RFX3: variants seen among roughly 807,000 people sequenced by gnomAD.
RFX3 encodes regulatory factor X3, also known as transcription factor RFX3.
A neutral mutation model predicts 98.6 loss-of-function variants in RFX3; 14 were observed. The observed-to-expected ratio is 0.14, with a 90% CI of 0.09 to 0.22. The LOEUF is 0.22. Ranked by LOEUF, RFX3 falls within the 10% of genes least tolerant of loss-of-function variation. RFX3 has a pLI of 1.00. For synonymous variants in RFX3, 383 were observed against 328.4 expected (o/e 1.17, Z -1.80); for missense variants, 639 against 926.9 (o/e 0.69, Z 4.03).
chr9:3,246,819 AG>A (rs1346989724), intron 15 of RFX3, among the ~76,000 whole-genome samples: 2 of 152,202 alleles, frequency 1.3e-5, no homozygotes, highest in African/African-American at 4.8e-5. Flanking sequence ...GCATCATTTA[AG>A]CTTTATCATC....
intron 1 of RFX3, among the ~76,000 whole-genome samples, chr9:3,447,320 T>A (rs1231447559): frequency 2.6e-5 from 4 of 152,108 alleles, no homozygotes; most frequent in Non-Finnish European, 5.9e-5. Flanking sequence ...TTAAACTCCA[T>A]TAAGTATAAT....
chr9:3,520,375 GCTGTAA>G (rs1327385195), intron 1 of RFX3, among the ~76,000 whole-genome samples: 1 of 152,132 alleles, frequency 6.6e-6, no homozygotes, highest in African/African-American at 2.4e-5. Context: ...AAGTTTATAT[GCTGTAA>G]CTGTATCTTT....
chr9:3,275,103 T>G (rs1398346401), intron 9 of RFX3, among the ~76,000 whole-genome samples: 1 of 151,842 alleles, frequency 6.6e-6, no homozygotes, highest in African/African-American at 2.4e-5. Flanking sequence ...AATACCATAT[T>G]TTATTTATGC....
At chr9:3,280,035 T>C (rs919281641) in intron 7 of RFX3, among the ~76,000 whole-genome samples, 1 of 151,598 alleles carries the variant, frequency 6.6e-6, no homozygotes. Flanking sequence ...ACACAGAAAA[T>C]ATATCAGAAC....
intron 3 of RFX3, among the ~76,000 whole-genome samples, chr9:3,342,670 T>TA (rs905558232): frequency 5.9e-5 from 9 of 151,816 alleles, no homozygotes; most frequent in Non-Finnish European, 8.8e-5. Flanking sequence ...CATTTTATTT[T>TA]AAAAAAAAAC....
chr9:3,415,101 T>TATATATATATTCTTATATATATACTC (rs1842865036), intron 1 of RFX3, among the ~76,000 whole-genome samples: 8 of 87,500 alleles, frequency 9.1e-5, no homozygotes, highest in African/African-American at 9.0e-4. Flanking sequence ...TATACTCATA[T>TATATATATATTCTTATATATATACTC]ATAAGTATAT....
intron 1 of RFX3, among the ~76,000 whole-genome samples, chr9:3,418,234 T>C (rs372105657): frequency 6.0e-4 from 91 of 152,320 alleles, no homozygotes; most frequent in African/African-American, 2.1e-3. Context: ...ATGGTATAAA[T>C]AGTTCTTACC....
At chr9:3,270,597 G>C in intron 10 of RFX3, 72 bp from the exon 11 acceptor site, 3 of 1,446,126 alleles carry the variant, frequency 2.1e-6, no homozygotes, top group South Asian at 2.5e-5. Context: ...TTTAAAAATA[G>C]TTTAAGTTTA....
intron 14 of RFX3, among the ~76,000 whole-genome samples, chr9:3,249,452 T>C (rs538971455): frequency 2.0e-5 from 3 of 152,278 alleles, no homozygotes; most frequent in African/African-American, 7.2e-5. Flanking sequence ...CTTATCTAAC[T>C]TACATGCTTA....
In RFX3 at chr9:3,341,146, T is replaced by A. The variant is rs190553313; in HGVS notation, c.215+5521A>T. 3.4e-4 allele frequency among the ~76,000 whole-genome samples: 51 copies of A among 151,866 alleles called. No homozygotes were observed. In the East Asian group the frequency reaches 9.1e-3, roughly 27 times the overall value. On this transcript the variant is annotated intron_variant, in intron 3 of 16. Coordinates refer to ENST00000617270, the MANE Select transcript of RFX3 (RefSeq NM_001282116.2). ...GGAAATCATCATTCTCAGCAAACTA[T>A]CGCAGGGACAAAAAACCAAACACTG...
chr9:3,443,831 A>C (rs1223179940), intron 1 of RFX3, among the ~76,000 whole-genome samples: 1 of 152,166 alleles, frequency 6.6e-6, no homozygotes, highest in Non-Finnish European at 1.5e-5. Flanking sequence ...AACGATGTAA[A>C]AGTATTCCTT....
chr9:3,314,819 G>A (rs929311157), intron 4 of RFX3, among the ~76,000 whole-genome samples: 2 of 152,068 alleles, frequency 1.3e-5, no homozygotes, highest in Non-Finnish European at 2.9e-5. Context: ...AACAAGAAGG[G>A]CTAACTATCC....
intron 2 of RFX3, among the ~76,000 whole-genome samples, chr9:3,377,269 A>G (rs1838649031): frequency 6.6e-6 from 1 of 152,234 alleles, no homozygotes; most frequent in African/African-American, 2.4e-5. Flanking sequence ...CAGCCATAAA[A>G]AAGGATGAGT....
chr9:3,426,175 TG>T (rs767782215), intron 1 of RFX3, among the ~76,000 whole-genome samples: 5 of 152,222 alleles, frequency 3.3e-5, no homozygotes, highest in Non-Finnish European at 5.9e-5. Flanking sequence ...CTCATTTAAC[TG>T]AAAAATTCAG....
At chr9:3,379,879 AATTTATTTATTTATTTATTTATTT>A (rs36232668) in intron 2 of RFX3, among the ~76,000 whole-genome samples, 4 of 146,626 alleles carry the variant, frequency 2.7e-5, no homozygotes, top group Non-Finnish European at 4.5e-5. Context: ...ACTTATGGGC[AATTTATTTATTTATTTATTTATTT>A]ATTTATTTAT....
chr9:3,222,722 A>G lies in RFX3; in HGVS notation c.*2320T>C, dbSNP rs2130513810. The G allele has an allele frequency of 6.6e-6, 1 of 152,278 alleles. No homozygotes were observed. The highest frequency in any genetic ancestry group is 2.4e-5 in the African/African-American group (1 of 41,568). 9.4% of individuals were successfully genotyped at this position (152,278 alleles called of 1,614,324 possible). A position where few individuals can be genotyped will look rare whatever the true frequency, so the allele number is the denominator to read the frequency against. On this transcript the variant is annotated 3_prime_UTR_variant, in exon 17 of 17. Transcript: ENST00000617270. ...ATGAAGTAGATACATGAACTTTTGC[A>G]GATTATCATGTTTTGTTTGCCTTTT...
chr9:3,509,584 T>C (rs1011731374), intron 1 of RFX3, among the ~76,000 whole-genome samples: 1 of 152,002 alleles, frequency 6.6e-6, no homozygotes, highest in Non-Finnish European at 1.5e-5. Flanking sequence ...TACTGATGGT[T>C]TGGAAAACAT....
At chr9:3,377,403 T>C (rs954250319) in intron 2 of RFX3, among the ~76,000 whole-genome samples, 11 of 151,878 alleles carry the variant, frequency 7.2e-5, no homozygotes, top group Non-Finnish European at 2.9e-5. Context: ...ATGAGAACAC[T>C]TGGACACAGG....
At chr9:3,525,523 C>G (rs1004007774) in intron 1 of RFX3, among the ~76,000 whole-genome samples, 12 of 151,796 alleles carry the variant, frequency 7.9e-5, no homozygotes, top group Admixed American at 2.0e-4. Context: ...GGCGGCGCGG[C>G]GCCCACACCC....
Sources: allele counts gnomAD v4.1 joint callset (sites outside exome capture counted in the v4.1 genomes callset), GRCh38; gene constraint gnomAD v4.1.1; transcripts MANE v1.5; gene names NCBI Gene and HGNC (gene_info 2026-07-23, HGNC 2026-07-21).